Variants in UGT2A1 observed in about 807,000 individuals in gnomAD.
UGT2A1 encodes UDP-glucuronosyltransferase 2A1.
In UGT2A1, 61 loss-of-function variants were observed where a neutral mutation model predicts 45.4. The ratio of observed to expected loss-of-function variants is 1.34; its 90% CI spans 1.09 to 1.66. UGT2A1 has a LOEUF of 1.66. Ranked by LOEUF, UGT2A1 falls within the 40% of genes most tolerant of loss-of-function variation. The pLI, the probability that UGT2A1 is intolerant of heterozygous loss-of-function variation, is 0.00. For synonymous variants in UGT2A1, 229 were observed against 196.2 expected (o/e 1.17, Z -1.40); for missense variants, 649 against 574.3 (o/e 1.13, Z -1.33).
At chr4:69,649,490 T>A (rs1259982044) in intron 1 of UGT2A1, among the ~76,000 whole-genome samples, 3 of 152,094 alleles carry the variant, frequency 2.0e-5, no homozygotes, top group Non-Finnish European at 2.9e-5. Flanking sequence ...TTTAGACAAC[T>A]AAAATATAGT....
intron 3 of UGT2A1, among the ~76,000 whole-genome samples, chr4:69,616,804 C>T (rs1245912544): frequency 6.8e-6 from 1 of 147,780 alleles, no homozygotes; most frequent in Non-Finnish European, 1.5e-5. Flanking sequence ...GCTAATGACA[C>T]TTTCTAAATT....
chr4:69,590,519 C>T (rs148601925), intron 6 of UGT2A1, among the ~76,000 whole-genome samples: 51 of 152,132 alleles, frequency 3.4e-4, no homozygotes, highest in African/African-American at 1.2e-3. Context: ...ATGGTTTGTG[C>T]AGAGATGTCC....
At chr4:69,615,410 G>A (rs1317983203) in intron 3 of UGT2A1, among the ~76,000 whole-genome samples, 3 of 151,848 alleles carry the variant, frequency 2.0e-5, no homozygotes. Flanking sequence ...GCACATTAAA[G>A]AAAACAATCA....
chr4:69,639,199 G>C, intron 2 of UGT2A1: 1 of 1,613,698 alleles, frequency 6.2e-7, no homozygotes, highest in Non-Finnish European at 8.5e-7. Flanking sequence ...CCTTTCTGAA[G>C]TCTTGCCATC....
intron 2 of UGT2A1, among the ~76,000 whole-genome samples, chr4:69,641,369 G>A (rs932160753): frequency 5.9e-5 from 9 of 151,746 alleles, no homozygotes; most frequent in African/African-American, 1.9e-4. Context: ...AATCCTCATA[G>A]CAACATTTTG....
rs1338929443 is a variant in UGT2A1, at chr4:69,646,989, T to G, written c.656A>C (p.Gln219Pro). The stretch of plus-strand genomic sequence containing the variant: ...CCAAAGAGTTTCAAACATGTAGTCC[T>G]GTAGGTGGTAGGAGATGAAATTTCT... ...RIRNFISYHL[Q>P]DYMFETLWKS... The change falls in exon 2 of 7, where the codon CAG becomes CCG. Residue 219 changes from glutamine (Q) to proline (P), a missense_variant. Coordinates refer to ENST00000286604, the MANE Select transcript of UGT2A1 (RefSeq NM_001252275.3). 3 of 1,611,448 alleles carry G rather than the reference T, an allele frequency of 1.9e-6. No individual in the cohort carries two copies. In the African/African-American group the frequency reaches 4.0e-5, roughly 22 times the overall value.
chr4:69,590,654 T>TGTGC (rs1338487428), intron 6 of UGT2A1, among the ~76,000 whole-genome samples: 2 of 151,876 alleles, frequency 1.3e-5, no homozygotes, highest in Non-Finnish European at 2.9e-5. Flanking sequence ...TGTGTGTGTG[T>TGTGC]GTGTGTTTGT....
At chr4:69,644,228 C>T (rs558669775) in intron 2 of UGT2A1, among the ~76,000 whole-genome samples, 40 of 151,746 alleles carry the variant, frequency 2.6e-4, no homozygotes, top group African/African-American at 9.4e-4. Context: ...CCAGCATTAA[C>T]TTACAGGCAA....
chr4:69,649,102 T>A (rs867234689), intron 1 of UGT2A1, among the ~76,000 whole-genome samples: 2 of 152,234 alleles, frequency 1.3e-5, no homozygotes, highest in Middle Eastern at 3.4e-3. Flanking sequence ...AGCAGAGTGA[T>A]CCTTTTCATG....
chr4:69,593,967 C>CTGT (rs1718742313), intron 6 of UGT2A1, among the ~76,000 whole-genome samples: 1 of 107,818 alleles, frequency 9.3e-6, no homozygotes, highest in African/African-American at 3.5e-5. Flanking sequence ...TATTTGAAGT[C>CTGT]TTTTTTTTTG....
rs748662922 is a variant in UGT2A1 at position 69,589,660 on chromosome 4, CAAAT to C, written c.1305-13_1305-10del. The C allele has an allele frequency of 1.4e-5, 22 of 1,582,248 alleles. No homozygotes were observed. The highest frequency in any genetic ancestry group is 1.2e-4 in the African/African-American group (9 of 73,824). The stretch of plus-strand genomic sequence containing the variant: ...TAGCATTCTCTTTATAACTAGAAGA[CAAAT>C]AAATAGGCAGAAATTAGACAATTTT... On this transcript the variant is annotated splice_polypyrimidine_tract_variant and intron_variant, in intron 6 of 6. Transcript: ENST00000286604.
intron 3 of UGT2A1, among the ~76,000 whole-genome samples, chr4:69,599,942 C>T (rs1321886799): frequency 6.6e-6 from 1 of 152,164 alleles, no homozygotes; most frequent in African/African-American, 2.4e-5. Flanking sequence ...CCCAGGACAG[C>T]AAATCAGAGG....
chr4:69,651,984 C>G (rs1448859228), intron 1 of UGT2A1, among the ~76,000 whole-genome samples: 1 of 152,164 alleles, frequency 6.6e-6, no homozygotes, highest in Non-Finnish European at 1.5e-5. Context: ...CAGGTGCCCA[C>G]TTGAGTCTCT....
chr4:69,630,821 C>T (rs1721339377), intron 3 of UGT2A1, among the ~76,000 whole-genome samples: 1 of 152,012 alleles, frequency 6.6e-6, no homozygotes, highest in Admixed American at 6.6e-5. Context: ...TACCAAGTCT[C>T]CAGCACACCC....
At chr4:69,590,963 A>AG (rs1718564050) in intron 6 of UGT2A1, among the ~76,000 whole-genome samples, 1 of 152,200 alleles carries the variant, frequency 6.6e-6, no homozygotes, top group Non-Finnish European at 1.5e-5. Flanking sequence ...AACAGAATGG[A>AG]GTACAAACAC....
At chr4:69,614,792 G>C (rs1208748740) in intron 3 of UGT2A1, among the ~76,000 whole-genome samples, 2 of 152,004 alleles carry the variant, frequency 1.3e-5, no homozygotes, top group Non-Finnish European at 2.9e-5. Context: ...CCTCTGAGTA[G>C]TCTGTTCTCA....
chr4:69,638,445 C>A (rs1298753026), intron 2 of UGT2A1, among the ~76,000 whole-genome samples: 1 of 152,030 alleles, frequency 6.6e-6, no homozygotes, highest in Non-Finnish European at 1.5e-5. Flanking sequence ...ACAGTGAGAA[C>A]CAGGGTAGAG....
intron 5 of UGT2A1, 97 bp from the exon 6 acceptor site, chr4:69,594,793 T>C: frequency 7.3e-7 from 1 of 1,369,372 alleles, no homozygotes. Flanking sequence ...TGTAACTCTC[T>C]AAAGAAGGAT....
At chr4:69,638,776 G>C (rs1163603893) in intron 2 of UGT2A1, 3 of 1,219,380 alleles carry the variant, frequency 2.5e-6, no homozygotes, top group Middle Eastern at 2.9e-4. Flanking sequence ...TGTTTGTACA[G>C]AGATATAAGA....
Sources: gnomAD v4.1 joint callset for allele counts (sites outside exome capture counted in the v4.1 genomes callset) on GRCh38, gnomAD v4.1.1 for gene constraint, MANE v1.5 for transcripts, NCBI Gene and HGNC (gene_info 2026-07-23, HGNC 2026-07-21) for gene names.